KCTD5: variants seen among roughly 807,000 people sequenced by gnomAD.
KCTD5 encodes potassium channel tetramerization domain containing 5.
Under a neutral mutation model 27.9 loss-of-function variants are expected in KCTD5, and 12 were observed. The observed-to-expected ratio is 0.43, with a 90% CI of 0.28 to 0.70. KCTD5 has a LOEUF of 0.70. Ranked by LOEUF, KCTD5 falls within the 30% of genes least tolerant of loss-of-function variation. The pLI is 0.19. For synonymous variants in KCTD5, 147 were observed against 121.4 expected, an observed-to-expected ratio of 1.21 and a Z score of -1.39; for missense variants, 226 against 274.8, an observed-to-expected ratio of 0.82 and a Z score of 1.26.
intron 1 of KCTD5, among the ~76,000 whole-genome samples, chr16:2,692,966 C>T (rs907988122): frequency 9.9e-5 from 15 of 152,236 alleles, no homozygotes; most frequent in Admixed American, 7.2e-4. Flanking sequence ...CTCCGTGGAG[C>T]GGGAAGCCCG....
At position 2,698,403 on chromosome 16, in the gene KCTD5, G is replaced by C. The variant is rs547404303; in HGVS notation, c.453+406G>C. ...GACAGCAGATGGGTCGTGTGGGTCT[G>C]CGCAGGCGCCAGAAGGACCTTGGTT... is the stretch of plus-strand genomic sequence containing the variant. On this transcript the variant is annotated intron_variant, in intron 3 of 5. Coordinates refer to ENST00000301738, the MANE Select transcript of KCTD5 (RefSeq NM_018992.4). 6.6e-5 allele frequency among the ~76,000 whole-genome samples: 10 copies of C among 152,330 alleles called. No individual in the cohort carries two copies. The South Asian group carries it at 1.9e-3, about 28-fold the overall frequency.
At chr16:2,699,239 C>T (rs747526180) in intron 3 of KCTD5, 53 of 455,926 alleles carry the variant, frequency 1.2e-4, no homozygotes, top group Non-Finnish European at 1.6e-4. Flanking sequence ...TCCATGCAGG[C>T]GGGCGGCCCT....
chr16:2,683,087 C>T, intron 1 of KCTD5: 2 of 385,540 alleles, frequency 5.2e-6, no homozygotes, highest in Non-Finnish European at 4.6e-6. Flanking sequence ...GTGGAGGAGG[C>T]TTCCTAGACC....
In KCTD5 at chr16:2,707,337, T is replaced by C; in HGVS notation, c.*10T>C. Reference sequence around the variant, plus strand: ...AGGCTCAAGGATGTGAGGGACACAGTATTGACAGCTGAAGAAATGATTTAC... The same window carrying C: ...AGGCTCAAGGATGTGAGGGACACAGCATTGACAGCTGAAGAAATGATTTAC... On this transcript the variant is annotated 3_prime_UTR_variant, in exon 6 of 6. Coordinates refer to ENST00000301738, the MANE Select transcript of KCTD5 (RefSeq NM_018992.4). The C allele has an allele frequency of 1.2e-6, 2 of 1,613,342 alleles. No homozygotes were observed. Among genetic ancestry groups the C allele is most frequent in the Non-Finnish European group, 1.7e-6 (2 of 1,179,256 alleles).
intron 1 of KCTD5, among the ~76,000 whole-genome samples, chr16:2,690,537 C>A (rs912081356): frequency 7.2e-5 from 11 of 152,228 alleles, no homozygotes; most frequent in Non-Finnish European, 1.3e-4. Context: ...TAGAAAAAAA[C>A]CACCACGAAC....
At position 2,704,432 on chromosome 16, in the gene KCTD5, G is replaced by A. The variant is rs920830920; in HGVS notation, c.675+1954G>A. On this transcript the variant is annotated intron_variant, in intron 5 of 5. Transcript: ENST00000301738. ...CGGGAGAGCCTGGGTGGTGGGGCGGGAGGGGTTGCACCTGTAGCAAGTGAA... is the reference window on the plus strand; with the variant it reads ...CGGGAGAGCCTGGGTGGTGGGGCGGAAGGGGTTGCACCTGTAGCAAGTGAA... Among the ~76,000 whole-genome samples, 6 of 152,204 alleles carry A rather than the reference G, an allele frequency of 3.9e-5. 1 individual carries two copies. The South Asian group carries it at 1.2e-3, about 31-fold the overall frequency.
intron 1 of KCTD5, among the ~76,000 whole-genome samples, chr16:2,688,366 C>T (rs529922450): frequency 2.4e-4 from 36 of 151,500 alleles, no homozygotes; most frequent in African/African-American, 6.1e-4. Flanking sequence ...TTCTCCTGCC[C>T]CACCCTCCCA....
chr16:2,690,054 G>A (rs1378676628), intron 1 of KCTD5, among the ~76,000 whole-genome samples: 2 of 152,258 alleles, frequency 1.3e-5, no homozygotes, highest in East Asian at 1.9e-4. Context: ...CGTTGCCCCC[G>A]GTGCTTTGCT....
chr16:2,693,418 G>T (rs1349162363), intron 1 of KCTD5, among the ~76,000 whole-genome samples: 1 of 152,216 alleles, frequency 6.6e-6, no homozygotes, highest in African/African-American at 2.4e-5. Flanking sequence ...CCTCCTAAAG[G>T]GGGTGTTTAA....
intron 3 of KCTD5, 99 bp from the exon 4 acceptor site, chr16:2,699,722 C>T: frequency 9.6e-7 from 1 of 1,047,030 alleles, no homozygotes; most frequent in Non-Finnish European, 1.5e-6. Context: ...CTGAGAACTG[C>T]AGAGTGGACC....
Position 2,682,805 on chromosome 16 carries a change from G to A in KCTD5, c.252+5G>A. On this transcript the variant is annotated splice_donor_5th_base_variant and intron_variant, in intron 1 of 5. Coordinates refer to ENST00000301738, the MANE Select transcript of KCTD5 (RefSeq NM_018992.4). ...CCCGACCTGGACTCAGACAAGGTGAGGGCCTCACGGGCCAGCCCGGAGGGT... is the reference window on the plus strand; with the variant it reads ...CCCGACCTGGACTCAGACAAGGTGAAGGCCTCACGGGCCAGCCCGGAGGGT... 6.3e-7 allele frequency: 1 copy of A among 1,586,318 alleles called. No homozygotes were observed. The highest frequency in any genetic ancestry group is 8.6e-7 in the Non-Finnish European group (1 of 1,168,696).
Position 2,682,760 on chromosome 16 carries a change from A to T in KCTD5, c.212A>T (p.Tyr71Phe). 6.2e-7 allele frequency: 1 copy of T among 1,606,570 alleles called. No homozygotes were observed. The change falls in exon 1 of 6, where the codon TAC (tyrosine) becomes TTC (phenylalanine). Residue 71 changes from tyrosine to phenylalanine, a missense_variant. Tyr to Phe is a conservative substitution (Grantham distance 22). Transcript: ENST00000301738. ...TGCCGGGACCCGAAATCCTTCCTGT[A>T]CCGCTTATGCCAGGCCGATCCCGAC... ...TLCRDPKSFL[Y>F]RLCQADPDLD...
chr16:2,701,020 T>G (rs1353598932), intron 4 of KCTD5, among the ~76,000 whole-genome samples: 1 of 152,024 alleles, frequency 6.6e-6, no homozygotes, highest in Non-Finnish European at 1.5e-5. Flanking sequence ...AGTTGTCCCT[T>G]GGTGGGGCTG....
chr16:2,688,200 T>A (rs564014097), intron 1 of KCTD5, among the ~76,000 whole-genome samples: 3 of 146,680 alleles, frequency 2.0e-5, no homozygotes, highest in Non-Finnish European at 3.0e-5. Flanking sequence ...TTGTACTTGG[T>A]TTTTATTATT....
chr16:2,699,144 C>A (rs144938570), intron 3 of KCTD5: 8,465 of 456,098 alleles, frequency 0.019, 146 homozygotes, highest in Non-Finnish European at 0.025. Flanking sequence ...CTCACTGCTG[C>A]GTTTCCGTCC....
chr16:2,699,387 G>A (rs1305879477), intron 3 of KCTD5: 4 of 359,542 alleles, frequency 1.1e-5, no homozygotes, highest in East Asian at 7.4e-5. Context: ...AGGCTGCCGC[G>A]CAAGTTCAAG....
chr16:2,702,260 G>A (rs1414815183), intron 4 of KCTD5, 93 bp from the exon 5 acceptor site: 12 of 1,509,048 alleles, frequency 8.0e-6, no homozygotes, highest in African/African-American at 2.8e-5. Flanking sequence ...TGTGGCTTTC[G>A]CGGTGGCAGG....
At chr16:2,692,900 G>C (rs1293809021) in intron 1 of KCTD5, among the ~76,000 whole-genome samples, 2 of 152,278 alleles carry the variant, frequency 1.3e-5, no homozygotes, top group Non-Finnish European at 2.9e-5. Flanking sequence ...GGGCCCCCAA[G>C]AGTGCAGGGA....
chr16:2,685,909 T>C (rs2142051086), intron 1 of KCTD5: 1 of 152,070 alleles, frequency 6.6e-6, no homozygotes, highest in South Asian at 2.1e-4. Flanking sequence ...GGAGAGGAGT[T>C]GGGTGGGGAG....
Sources: gnomAD v4.1 joint callset for allele counts (sites outside exome capture counted in the v4.1 genomes callset) on GRCh38, gnomAD v4.1.1 for gene constraint, MANE v1.5 for transcripts, NCBI Gene and HGNC (gene_info 2026-07-23, HGNC 2026-07-21) for gene names.